Variants in RERE observed in about 807,000 individuals in gnomAD.
The protein encoded by RERE is arginine-glutamic acid dipeptide repeats.
In RERE, 40 loss-of-function variants were observed where a neutral mutation model predicts 146.1. The observed-to-expected ratio is 0.27, with a 90% CI of 0.21 to 0.36. RERE has a LOEUF of 0.36. Among genes scored for constraint, RERE ranks in the 10% least tolerant of loss-of-function variants. The pLI is 1.00. For synonymous variants in RERE, 1,003 were observed against 866.0 expected (o/e 1.16, Z -2.78); for missense variants, 1,933 against 2,138.7 (o/e 0.90, Z 1.90).
chr1:8,710,929 G>A (rs1021320066), intron 1 of RERE, among the ~76,000 whole-genome samples: 2 of 151,956 alleles, frequency 1.3e-5, no homozygotes, highest in Admixed American at 6.5e-5. Context: ...GGCCAAGGCG[G>A]GTGGATCACT....
chr1:8,450,946 C>T (rs1300556593), intron 11 of RERE, among the ~76,000 whole-genome samples: 3 of 152,164 alleles, frequency 2.0e-5, no homozygotes, highest in Non-Finnish European at 4.4e-5. Context: ...CCAGCCTAGC[C>T]ATCTACCGGT....
At chr1:8,468,548 T>A (rs144813022) in intron 10 of RERE, among the ~76,000 whole-genome samples, 1 of 152,274 alleles carries the variant, frequency 6.6e-6, no homozygotes, top group East Asian at 1.9e-4. Flanking sequence ...CATGGCAAAA[T>A]TAACAACTTT....
At chr1:8,803,283 C>T (rs1641620803) in intron 1 of RERE, among the ~76,000 whole-genome samples, 1 of 152,028 alleles carries the variant, frequency 6.6e-6, no homozygotes, top group African/African-American at 2.4e-5. Context: ...TCCTGGCCAA[C>T]ATGGTGGAAC....
At chr1:8,812,404 T>C (rs921325655) in intron 1 of RERE, among the ~76,000 whole-genome samples, 3 of 152,208 alleles carry the variant, frequency 2.0e-5, no homozygotes, top group Admixed American at 1.3e-4. Flanking sequence ...CCCGGCCCTT[T>C]AGGAAGCCAA....
intron 6 of RERE, among the ~76,000 whole-genome samples, chr1:8,547,831 C>G (rs1380403097): frequency 6.6e-6 from 1 of 152,210 alleles, no homozygotes; most frequent in Non-Finnish European, 1.5e-5. Context: ...TAGGCATAAA[C>G]CTTTCAACCC....
chr1:8,791,104 G>C lies in RERE; in HGVS notation c.-145+26056C>G, dbSNP rs537492503. 4.1e-4 allele frequency among the ~76,000 whole-genome samples: 63 copies of C among 152,264 alleles called. 3 individuals are homozygous for C. In the South Asian group the frequency reaches 8.7e-3, roughly 21 times the overall value. On this transcript the variant is annotated intron_variant, in intron 1 of 22. Coordinates refer to ENST00000400908, the MANE Select transcript of RERE (RefSeq NM_001042681.2). Reference sequence around the variant, plus strand: ...AGGAGAATACAACCTCTTCCAAAAAGAGATTTACTCTCTACTCCCTAGGAA... The same window carrying C: ...AGGAGAATACAACCTCTTCCAAAAACAGATTTACTCTCTACTCCCTAGGAA...
intron 3 of RERE, among the ~76,000 whole-genome samples, 157 bp downstream of exon 3, chr1:8,624,153 A>C (rs897721999): frequency 6.6e-5 from 10 of 152,244 alleles, no homozygotes; most frequent in African/African-American, 1.4e-4. Flanking sequence ...TGGAACTAGT[A>C]ACCCTCATTT....
intron 2 of RERE, among the ~76,000 whole-genome samples, chr1:8,640,214 C>T (rs1345156895): frequency 6.6e-6 from 1 of 151,906 alleles, no homozygotes; most frequent in Non-Finnish European, 1.5e-5. Flanking sequence ...GTATCATAAA[C>T]TCACTCCACT....
At chr1:8,498,400 T>G (rs1280411454) in intron 8 of RERE, among the ~76,000 whole-genome samples, 1 of 142,024 alleles carries the variant, frequency 7.0e-6, no homozygotes, top group Admixed American at 7.3e-5. Context: ...TTTTAAAAAT[T>G]TATATATAGT....
intron 8 of RERE, among the ~76,000 whole-genome samples, chr1:8,504,710 A>G (rs1645227787): frequency 6.6e-6 from 1 of 152,104 alleles, no homozygotes; most frequent in African/African-American, 2.4e-5. Flanking sequence ...AAAAGTAGCC[A>G]GGTGTGGTGG....
chr1:8,748,732 T>G (rs1318139224), intron 1 of RERE, among the ~76,000 whole-genome samples: 2 of 152,198 alleles, frequency 1.3e-5, no homozygotes, highest in East Asian at 3.9e-4. Flanking sequence ...TCCTTTTGTC[T>G]TTCTTCCCAG....
intron 1 of RERE, among the ~76,000 whole-genome samples, chr1:8,792,017 CAGG>C (rs1390927935): frequency 3.3e-5 from 5 of 151,764 alleles, no homozygotes; most frequent in African/African-American, 1.2e-4. Context: ...CGCTTGAGCC[CAGG>C]AGGTCAAGGC....
intron 12 of RERE, among the ~76,000 whole-genome samples, chr1:8,385,852 C>T (rs1341927971): frequency 4.5e-4 from 67 of 148,576 alleles, no homozygotes; most frequent in Non-Finnish European, 7.3e-4. Context: ...GCCTGTAGTC[C>T]CAGCCACTCG....
rs34872965 is a variant in RERE at position 8,736,851 on chromosome 1, G to GA, written c.-145+80308dup. Among the ~76,000 whole-genome samples, 559 of 99,750 alleles carry GA rather than the reference G, an allele frequency of 5.6e-3. 3 individuals carry two copies. The highest frequency in any genetic ancestry group is 0.013 in the African/African-American group (353 of 26,232). The allele number at this position is 99,750 out of a possible 152,430, so 65.4% of individuals were successfully genotyped here. A position where few individuals can be genotyped will look rare whatever the true frequency, so the allele number is the denominator to read the frequency against. On this transcript the variant is annotated intron_variant, in intron 1 of 22. Transcript: ENST00000400908. ...TGTTACCTCTAGGAGAAGCAAGGGG[G>GA]AAAAAAAAAAAAAAAAAAAAAAAAC...
intron 1 of RERE, among the ~76,000 whole-genome samples, chr1:8,795,982 C>CAAA (rs556814425): frequency 1.9e-3 from 56 of 29,850 alleles, no homozygotes; most frequent in Non-Finnish European, 2.4e-3. Context: ...AACTCCGTCT[C>CAAA]AAAAAAAAAA....
intron 7 of RERE, among the ~76,000 whole-genome samples, chr1:8,513,765 A>G (rs1049589928): frequency 1.3e-5 from 2 of 152,212 alleles, no homozygotes; most frequent in Non-Finnish European, 2.9e-5. Context: ...GGGCAACAAG[A>G]GCGAAACTCT....
chr1:8,636,268 G>A (rs139238092), intron 2 of RERE, among the ~76,000 whole-genome samples: 2,315 of 152,248 alleles, frequency 0.015, 61 homozygotes, highest in African/African-American at 0.053. Context: ...GATTACAGGC[G>A]TAAGCCACCG....
intron 11 of RERE, chr1:8,424,539 TCTC>T (rs1377873362): frequency 6.6e-6 from 1 of 152,214 alleles, no homozygotes; most frequent in Non-Finnish European, 1.5e-5. Context: ...AGCAGCAAGC[TCTC>T]CTCTAGTGTG....
chr1:8,646,648 G>A (rs769602464), intron 2 of RERE, among the ~76,000 whole-genome samples: 6 of 152,124 alleles, frequency 3.9e-5, no homozygotes, highest in Non-Finnish European at 1.5e-5. Flanking sequence ...TTAACATTAA[G>A]TAAGGTGAGC....
Sources: allele counts gnomAD v4.1 joint callset (sites outside exome capture counted in the v4.1 genomes callset), GRCh38; gene constraint gnomAD v4.1.1; transcripts MANE v1.5; gene names NCBI Gene and HGNC (gene_info 2026-07-23, HGNC 2026-07-21).